ZHX2: variants seen among roughly 807,000 people sequenced by gnomAD.
ZHX2 encodes the protein zinc fingers and homeoboxes protein 2.
ZHX2 carries 6 observed loss-of-function variants against 21.9 expected under a neutral mutation model. The observed-to-expected ratio is 0.27, with a 90% CI of 0.15 to 0.54. The LOEUF is 0.54. Among genes scored for constraint, ZHX2 ranks in the 20% least tolerant of loss-of-function variants. The pLI, the probability that ZHX2 is intolerant of heterozygous loss-of-function variation, is 0.95. For synonymous variants in ZHX2, 434 were observed against 437.1 expected (o/e 0.99, Z 0.09); for missense variants, 908 against 1,090.7 (o/e 0.83, Z 2.36).
chr8:122,924,402 A>G (rs1820806027), intron 2 of ZHX2, among the ~76,000 whole-genome samples: 1 of 152,202 alleles, frequency 6.6e-6, no homozygotes, highest in African/African-American at 2.4e-5. Context: ...GGCTCATGCC[A>G]GTGACCTCAT....
At chr8:122,969,738 G>C (rs1201432842) in intron 3 of ZHX2, among the ~76,000 whole-genome samples, 1 of 152,102 alleles carries the variant, frequency 6.6e-6, no homozygotes, top group Non-Finnish European at 1.5e-5. Context: ...CAAAAAAAAT[G>C]TTATGGAGAG....
chr8:122,964,102 C>G (rs1158243303), intron 3 of ZHX2, among the ~76,000 whole-genome samples: 1 of 152,052 alleles, frequency 6.6e-6, no homozygotes, highest in East Asian at 1.9e-4. Flanking sequence ...CAAACAGCAA[C>G]AGTCTGACTT....
At chr8:122,941,825 A>G (rs547731821) in intron 2 of ZHX2, among the ~76,000 whole-genome samples, 1 of 152,360 alleles carries the variant, frequency 6.6e-6, no homozygotes, top group East Asian at 1.9e-4. Context: ...TTAAAAATAT[A>G]CATTCCCAGG....
intron 2 of ZHX2, among the ~76,000 whole-genome samples, chr8:122,889,669 G>A (rs1325169899): frequency 1.3e-5 from 2 of 152,112 alleles, no homozygotes; most frequent in Admixed American, 6.6e-5. Flanking sequence ...TGAACAACAC[G>A]GGTTTGAACT....
In ZHX2 at chr8:122,951,955, C is replaced by G. The variant is rs752912662; in HGVS notation, c.445C>G (p.Gln149Glu). Residue 149 changes from glutamine to glutamate, a missense_variant, in exon 3 of 4, where the codon CAA becomes GAA. Coordinates refer to ENST00000314393, the MANE Select transcript of ZHX2 (RefSeq NM_014943.5). ...GCTGAAGTTAATTAAACGCAATAAT[C>G]AAACTGTCTTGGAACAGTCCATCGA... The part of the protein sequence containing the change: ...FKLKLIKRNN[Q>E]TVLEQSIETT... 1.9e-6 allele frequency: 3 copies of G among 1,614,042 alleles called. No individual in the cohort carries two copies. Among genetic ancestry groups the G allele is most frequent in the Non-Finnish European group, 2.5e-6 (3 of 1,180,020 alleles).
intron 2 of ZHX2, among the ~76,000 whole-genome samples, chr8:122,916,655 C>T (rs1264772040): frequency 2.6e-5 from 4 of 152,120 alleles, no homozygotes; most frequent in Non-Finnish European, 4.4e-5. Flanking sequence ...TCTTTAAAAG[C>T]CCAAGTAGTT....
intron 3 of ZHX2, among the ~76,000 whole-genome samples, chr8:122,965,598 T>G (rs1813561017): frequency 6.6e-6 from 1 of 152,192 alleles, no homozygotes; most frequent in Admixed American, 6.5e-5. Flanking sequence ...ATGTTCCATG[T>G]GCTGATGAAA....
intron 3 of ZHX2, among the ~76,000 whole-genome samples, chr8:122,954,416 TC>T (rs1563605130): frequency 6.6e-6 from 1 of 151,946 alleles, no homozygotes; most frequent in Non-Finnish European, 1.5e-5. Flanking sequence ...CAAGCGATCC[TC>T]CCCCCTCAGC....
At chr8:122,969,414 C>A (rs55779844) in intron 3 of ZHX2, among the ~76,000 whole-genome samples, 1 of 151,954 alleles carries the variant, frequency 6.6e-6, no homozygotes, top group East Asian at 1.9e-4. Flanking sequence ...CACTGCCCCC[C>A]CCAAAAATAG....
intron 2 of ZHX2, among the ~76,000 whole-genome samples, chr8:122,939,434 T>C (rs1236051771): frequency 6.6e-6 from 1 of 152,214 alleles, no homozygotes; most frequent in African/African-American, 2.4e-5. Flanking sequence ...TGCTTTGCTT[T>C]GCTTTGTTTG....
At chr8:122,832,183 CG>C (rs1397801666) in intron 1 of ZHX2, among the ~76,000 whole-genome samples, 5 of 152,124 alleles carry the variant, frequency 3.3e-5, no homozygotes, top group African/African-American at 1.2e-4. Context: ...GATGGTTAGA[CG>C]GTGATGTGGG....
chr8:122,945,436 C>CAAAAAAAAAAAAAAAAAAAAAA lies in ZHX2; in HGVS notation c.-219-5850_-219-5829dup, dbSNP rs60890533. Among the ~76,000 whole-genome samples the CAAAAAAAAAAAAAAAAAAAAAA allele has an allele frequency of 9.5e-5, 7 of 73,672 alleles. 1 individual carries two copies. Among genetic ancestry groups the CAAAAAAAAAAAAAAAAAAAAAA allele is most frequent in the African/African-American group, 3.8e-4 (6 of 15,992 alleles). The allele number at this position is 73,672 out of a possible 152,430, so 48.3% of individuals were successfully genotyped here. ...CTCTTTTATATAAACCCTGTCTCTG[C>CAAAAAAAAAAAAAAAAAAAAAA]AAAAAAAAAAAAAAAAAAAAAAAAA... is the stretch of plus-strand genomic sequence containing the variant. On this transcript the variant is annotated intron_variant, in intron 2 of 3. Coordinates refer to ENST00000314393, the MANE Select transcript of ZHX2 (RefSeq NM_014943.5).
At chr8:122,827,789 C>T (rs1474758469) in intron 1 of ZHX2, among the ~76,000 whole-genome samples, 1 of 152,058 alleles carries the variant, frequency 6.6e-6, no homozygotes. Context: ...ACATTTGCAC[C>T]AACCTAATAT....
chr8:122,951,912 CG>C lies in ZHX2; in HGVS notation c.406del (p.Glu136ArgfsTer6). On this transcript the variant is annotated frameshift_variant, in exon 3 of 4. Coordinates refer to ENST00000314393, the MANE Select transcript of ZHX2 (RefSeq NM_014943.5). LOFTEE classifies it high-confidence loss of function. ...LSDHNSKFHP[G>X]EANFKLKLIK... ...CCGACCACAACTCCAAGTTCCATCC[CG>C]GGGAGGCCAACTTCAAGCTGAAGTT... The C allele has an allele frequency of 6.2e-7, 1 of 1,614,060 alleles. No individual in the cohort carries two copies. The highest frequency in any genetic ancestry group is 8.5e-7 in the Non-Finnish European group (1 of 1,180,012).
chr8:122,859,697 C>T (rs1220367322), intron 1 of ZHX2, among the ~76,000 whole-genome samples: 1 of 152,080 alleles, frequency 6.6e-6, no homozygotes, highest in African/African-American at 2.4e-5. Flanking sequence ...GGTGAGGAGC[C>T]TGTTAGCTGT....
rs923241620 is a variant in ZHX2, at chr8:122,897,431, A to AT, written c.-220+33900dup. Among the ~76,000 whole-genome samples, 227 of 152,052 alleles carry AT rather than the reference A, an allele frequency of 1.5e-3. 3 individuals carry two copies. Among genetic ancestry groups the AT allele is most frequent in the African/African-American group, 5.2e-3 (214 of 41,486 alleles). On this transcript the variant is annotated intron_variant, in intron 2 of 3. Coordinates refer to ENST00000314393, the MANE Select transcript of ZHX2 (RefSeq NM_014943.5). ...ATTCTAAGACATCACTGATGATTACATTTTTTTTGGTGTGAAAGTCAAGTC... is the reference window on the plus strand; with the variant it reads ...ATTCTAAGACATCACTGATGATTACATTTTTTTTTGGTGTGAAAGTCAAGTC...
At chr8:122,868,750 G>C (rs1819361019) in intron 2 of ZHX2, among the ~76,000 whole-genome samples, 1 of 151,140 alleles carries the variant, frequency 6.6e-6, no homozygotes. Flanking sequence ...CTCACCTATG[G>C]TCAAGAGGCT....
At chr8:122,883,283 C>T (rs927546757) in intron 2 of ZHX2, among the ~76,000 whole-genome samples, 1 of 152,156 alleles carries the variant, frequency 6.6e-6, no homozygotes, top group African/African-American at 2.4e-5. Flanking sequence ...TTCCCTGGCT[C>T]AGGGAACAGA....
intron 1 of ZHX2, among the ~76,000 whole-genome samples, chr8:122,848,262 G>T (rs971832408): frequency 2.0e-5 from 3 of 152,022 alleles, no homozygotes; most frequent in African/African-American, 4.8e-5. Flanking sequence ...AACCAGAGAC[G>T]GTCTCTTTTT....
Sources: allele counts gnomAD v4.1 joint callset (sites outside exome capture counted in the v4.1 genomes callset), GRCh38; gene constraint gnomAD v4.1.1; transcripts MANE v1.5; gene names NCBI Gene and HGNC (gene_info 2026-07-23, HGNC 2026-07-21).